The following LRBA variants were observed in gnomAD, a reference collection of about 807,000 sequenced individuals.
LRBA encodes lipopolysaccharide-responsive and beige-like anchor protein.
In LRBA, 176 loss-of-function variants were observed where a neutral mutation model predicts 330.0. The observed-to-expected ratio is 0.53, with a 90% confidence interval of 0.47 to 0.60. The LOEUF (loss-of-function observed/expected upper bound fraction) is 0.60, where lower values mean the gene tolerates loss of function less well. Among genes scored for constraint, LRBA ranks in the 20% least tolerant of loss-of-function variants. The probability of loss-of-function intolerance (pLI) is 0.00; values close to 1 mark genes in which losing one functional copy is unlikely to be tolerated. For synonymous variants in LRBA, 1,230 were observed against 1,193.0 expected (o/e 1.03, Z -0.64); for missense variants, 3,259 against 3,444.8 (o/e 0.95, Z 1.35).
intron 2 of LRBA, among the ~76,000 whole-genome samples, chr4:150,974,084 CTCACCATAAAGTGGAAAACTAAACAAA>C (rs750232006): frequency 2.6e-5 from 4 of 152,194 alleles, no homozygotes; most frequent in Non-Finnish European, 4.4e-5. Context: ...GATTTAATCT[CTCACCATAAAGTGGAAAACTAAACAAA>C]ATACATAAAA....
chr4:150,270,795 C>CCTAT (rs1745979019), intron 56 of LRBA, among the ~76,000 whole-genome samples: 1 of 151,974 alleles, frequency 6.6e-6, no homozygotes, highest in South Asian at 2.1e-4. Flanking sequence ...GGAAATAAGC[C>CCTAT]CTATCTTTCA....
intron 36 of LRBA, among the ~76,000 whole-genome samples, chr4:150,698,237 T>C (rs1784809608): frequency 6.6e-6 from 1 of 152,180 alleles, no homozygotes; most frequent in Non-Finnish European, 1.5e-5. Flanking sequence ...ATTAGCTTAG[T>C]TTCTTATTAA....
intron 2 of LRBA, among the ~76,000 whole-genome samples, chr4:150,954,817 CA>C (rs34282784): frequency 0.36 from 16,469 of 46,204 alleles, 1,319 homozygotes; most frequent in Non-Finnish European, 0.38. Flanking sequence ...ACTCAGAAAT[CA>C]AAAAAAAAAA....
At chr4:150,917,883 CAT>C (rs1732815762) in intron 5 of LRBA, among the ~76,000 whole-genome samples, 1 of 151,862 alleles carries the variant, frequency 6.6e-6, no homozygotes, top group Admixed American at 6.6e-5. Context: ...GAGCCGAGAT[CAT>C]GCCATTGCAC....
At chr4:150,648,619 A>T (rs1010244244) in intron 37 of LRBA, among the ~76,000 whole-genome samples, 2 of 151,854 alleles carry the variant, frequency 1.3e-5, no homozygotes, top group African/African-American at 4.8e-5. Context: ...GAGAACCCTT[A>T]AATGCCAACT....
chr4:150,653,059 CT>C (rs1384746772), intron 37 of LRBA, among the ~76,000 whole-genome samples: 5 of 152,022 alleles, frequency 3.3e-5, no homozygotes, highest in Admixed American at 6.6e-5. Flanking sequence ...TTAAAAAGAA[CT>C]GGCCAGGCAT....
chr4:150,370,853 T>C (rs1168057070), intron 47 of LRBA, among the ~76,000 whole-genome samples: 3 of 152,174 alleles, frequency 2.0e-5, no homozygotes, highest in Non-Finnish European at 4.4e-5. Context: ...AAACTGATAA[T>C]TTTTTAAAAC....
intron 42 of LRBA, among the ~76,000 whole-genome samples, chr4:150,483,144 C>G (rs573885176): frequency 2.0e-5 from 3 of 152,026 alleles, no homozygotes; most frequent in Non-Finnish European, 4.4e-5. Context: ...ACGTTTTTTT[C>G]TGTTACATTT....
At chr4:150,754,686 T>C (rs914543663) in intron 35 of LRBA, among the ~76,000 whole-genome samples, 5 of 152,178 alleles carry the variant, frequency 3.3e-5, no homozygotes, top group Admixed American at 2.0e-4. Context: ...TCCTACCAAC[T>C]TGGGGGACCA....
At chr4:150,888,957 CAAG>C (rs1044149721) in intron 17 of LRBA, among the ~76,000 whole-genome samples, 2 of 152,086 alleles carry the variant, frequency 1.3e-5, no homozygotes, top group African/African-American at 4.8e-5. Context: ...AGATTGATTT[CAAG>C]AAGTTTATTC....
intron 53 of LRBA, among the ~76,000 whole-genome samples, chr4:150,290,871 A>G (rs562654190): frequency 2.0e-5 from 3 of 152,176 alleles, no homozygotes; most frequent in Non-Finnish European, 4.4e-5. Context: ...ACTTACAGAG[A>G]CAACTATAAC....
chr4:150,925,215 C>T (rs527938953), intron 4 of LRBA, among the ~76,000 whole-genome samples: 1 of 151,682 alleles, frequency 6.6e-6, no homozygotes, highest in South Asian at 2.1e-4. Flanking sequence ...TTACACTTAT[C>T]ATTGCTTTCT....
intron 47 of LRBA, among the ~76,000 whole-genome samples, chr4:150,389,859 T>TGA (rs1420286862): frequency 6.6e-6 from 1 of 150,768 alleles, no homozygotes. Flanking sequence ...GCAACAAATG[T>TGA]GAGACAATCC....
rs749420539 is a variant in LRBA, at chr4:150,310,375, G to C, written c.7703C>G (p.Thr2568Arg). Residue 2568 changes from threonine (T) to arginine (R), a missense_variant, in exon 52 of 57, where the codon ACA becomes AGA. Transcript: ENST00000651943. ...VEIDPLIASNTGMHRRQITDL... is the reference protein window; with the variant it reads ...VEIDPLIASNRGMHRRQITDL... ...AGTGATTTGCCTCCTGTGCATTCCT[G>C]TATTGCTGGCTGTAAGAATAGGGAG... 2 of 1,612,334 alleles carry C rather than the reference G, an allele frequency of 1.2e-6. No individual in the cohort carries two copies. Among genetic ancestry groups the C allele is most frequent in the Non-Finnish European group, 1.7e-6 (2 of 1,179,008 alleles).
intron 40 of LRBA, among the ~76,000 whole-genome samples, chr4:150,570,278 T>A (rs1769674608): frequency 1.3e-5 from 2 of 152,106 alleles, no homozygotes; most frequent in African/African-American, 4.8e-5. Flanking sequence ...AAGGCCTGTC[T>A]CACTATTTTT....
intron 36 of LRBA, among the ~76,000 whole-genome samples, chr4:150,718,212 A>G (rs1728480727): frequency 6.6e-6 from 1 of 152,122 alleles, no homozygotes; most frequent in African/African-American, 2.4e-5. Flanking sequence ...TGTCAAGGAT[A>G]TCCCACTCCA....
chr4:150,790,710 T>C (rs183461290), intron 34 of LRBA, among the ~76,000 whole-genome samples: 32 of 152,322 alleles, frequency 2.1e-4, no homozygotes, highest in Admixed American at 3.9e-4. Flanking sequence ...CCAACTACCA[T>C]AGACTTCCTA....
chr4:150,784,100 G>A (rs987212430), intron 34 of LRBA, among the ~76,000 whole-genome samples: 2 of 152,158 alleles, frequency 1.3e-5, no homozygotes, highest in Admixed American at 6.5e-5. Flanking sequence ...GTATAACTGA[G>A]AAAAAGAAAT....
chr4:150,459,898 A>G (rs966493879), intron 44 of LRBA, among the ~76,000 whole-genome samples: 36 of 151,952 alleles, frequency 2.4e-4, no homozygotes, highest in African/African-American at 8.5e-4. Flanking sequence ...TTTTATTTAA[A>G]CAATTTAAGA....
Sources: gnomAD v4.1 joint callset for allele counts (sites outside exome capture counted in the v4.1 genomes callset) on GRCh38, gnomAD v4.1.1 for gene constraint, MANE v1.5 for transcripts, NCBI Gene and HGNC (gene_info 2026-07-23, HGNC 2026-07-21) for gene names.